STARD8: variants seen among roughly 807,000 people sequenced by gnomAD.
STARD8 encodes the protein StAR related lipid transfer domain containing 8.
A neutral mutation model predicts 69.4 loss-of-function variants in STARD8; 25 were observed. That is an observed-to-expected ratio of 0.36 (90% confidence interval 0.26 to 0.50). STARD8 has a LOEUF of 0.50. STARD8 is among the 20% of genes least tolerant of loss of function. STARD8 has a pLI of 0.96. For missense variants in STARD8, 921 were observed against 932.5 expected (o/e 0.99, Z 0.16); for synonymous variants, 389 against 374.6 (o/e 1.04, Z -0.45).
chrX:68,693,197 C>T (rs190313840), intron 2 of STARD8, among the ~76,000 whole-genome samples: 1 of 112,739 alleles, frequency 8.9e-6, no homozygotes, highest in East Asian at 2.8e-4. Flanking sequence ...GCCTGAGCAA[C>T]GTAGGGATGG....
At chrX:68,684,032 G>T (rs2079815969) in intron 2 of STARD8, among the ~76,000 whole-genome samples, 2 of 112,697 alleles carry the variant, frequency 1.8e-5, no homozygotes, top group African/African-American at 6.5e-5. Flanking sequence ...ATTGTGGTAA[G>T]AATTAAATAA....
chrX:68,704,498 A>G (rs2079990415), intron 2 of STARD8, among the ~76,000 whole-genome samples: 1 of 110,986 alleles, frequency 9.0e-6, no homozygotes. Flanking sequence ...GAGGCTGGGA[A>G]CTTGGAGGGC....
Position 68,725,134 on chromosome X carries a change from A to G in STARD8, c.*712A>G, listed in dbSNP as rs912404467. The G allele has an allele frequency of 7.2e-5, 8 of 111,382 alleles. No homozygotes were observed. Among genetic ancestry groups the G allele is most frequent in the African/African-American group, 2.6e-4 (8 of 30,626 alleles). 9.2% of individuals were successfully genotyped at this position (111,382 alleles called of 1,213,427 possible). A position where few individuals can be genotyped will look rare whatever the true frequency, so the allele number is the denominator to read the frequency against. On this transcript the variant is annotated 3_prime_UTR_variant, in exon 15 of 15. Transcript: ENST00000374599. ...CAAGTCTCGAGATGCCAGTGAAACC[A>G]GTATTCCCTGACTTGGGTTTCACAC...
At position 68,717,752 on chromosome X, in the gene STARD8, G is replaced by T. The variant is rs759704508; in HGVS notation, c.838G>T (p.Ala280Ser). The T allele has an allele frequency of 1.7e-6, 2 of 1,210,807 alleles. No individual in the cohort carries two copies. The highest frequency in any genetic ancestry group is 2.2e-6 in the Non-Finnish European group (2 of 895,367). Residue 280 changes from alanine (A) to serine (S), a missense_variant, in exon 6 of 15, where the codon GCC becomes TCC. Physicochemically the swap from Ala to Ser is moderately conservative, Grantham distance 99. Coordinates refer to ENST00000374599, the MANE Select transcript of STARD8 (RefSeq NM_001142503.3). ...SGANTRKAWEAWPVASFRHPQ... is the reference protein window; with the variant it reads ...SGANTRKAWESWPVASFRHPQ... The stretch of plus-strand genomic sequence containing the variant: ...TGCCAATACTCGGAAGGCCTGGGAG[G>T]CCTGGCCTGTGGCCTCGTTCCGGCA...
chrX:68,718,491 C>A lies in STARD8; in HGVS notation c.1577C>A (p.Ala526Asp). 1.7e-6 allele frequency: 2 copies of A among 1,212,111 alleles called. No homozygotes were observed. Among genetic ancestry groups the A allele is most frequent in the Non-Finnish European group, 2.2e-6 (2 of 895,575 alleles). The change falls in exon 6 of 15, where the codon GCC (alanine) becomes GAC (aspartate). Residue 526 changes from alanine (A) to aspartate (D), a missense_variant. Coordinates refer to ENST00000374599, the MANE Select transcript of STARD8 (RefSeq NM_001142503.3). ...GGACACTCCATTTCTGACACTGTGG[C>A]CTCCTCCAGCGAACTTGACAGTAGT... is the stretch of plus-strand genomic sequence containing the variant. The part of the protein sequence containing the change: ...EEGHSISDTV[A>D]SSSELDSSGN...
intron 2 of STARD8, among the ~76,000 whole-genome samples, chrX:68,707,753 G>A (rs540776915): frequency 1.2e-4 from 13 of 111,277 alleles, no homozygotes; most frequent in African/African-American, 4.3e-4. Flanking sequence ...TTCCCGCCTG[G>A]TCCCCATGCC....
chrX:68,686,048 C>T lies in STARD8; in HGVS notation c.79+20516C>T, dbSNP rs754117943. Among the ~76,000 whole-genome samples, 211 of 111,925 alleles carry T rather than the reference C, an allele frequency of 1.9e-3. 2 individuals carry two copies. Among genetic ancestry groups the T allele is most frequent in the Non-Finnish European group, 9.0e-4 (48 of 53,103 alleles). ...GGCTGACCCCATAACTAGGAAGACACCCCCACTATCTTGCACCGAGGTATG... is the reference window on the plus strand; with the variant it reads ...GGCTGACCCCATAACTAGGAAGACATCCCCACTATCTTGCACCGAGGTATG... On this transcript the variant is annotated intron_variant, in intron 2 of 14. Coordinates refer to ENST00000374599, the MANE Select transcript of STARD8 (RefSeq NM_001142503.3).
At chrX:68,661,246 G>A (rs182929678) in intron 1 of STARD8, among the ~76,000 whole-genome samples, 2 of 111,800 alleles carry the variant, frequency 1.8e-5, no homozygotes, top group South Asian at 3.7e-4. Context: ...AGGATGGCCC[G>A]GTTCTGGACA....
intron 1 of STARD8, among the ~76,000 whole-genome samples, chrX:68,653,277 C>T (rs1602535976): frequency 7.7e-5 from 4 of 51,688 alleles, no homozygotes; most frequent in Non-Finnish European, 1.4e-4. Flanking sequence ...ACACACCACA[C>T]CACACACACA....
intron 2 of STARD8, among the ~76,000 whole-genome samples, chrX:68,683,762 T>C (rs1385978113): frequency 1.8e-5 from 2 of 112,518 alleles, no homozygotes; most frequent in Non-Finnish European, 3.8e-5. Context: ...TTCATCACAT[T>C]CTTCCCTCTC....
chrX:68,717,182 T>C, intron 5 of STARD8, 30 bp from the exon 6 acceptor site: 1 of 1,155,449 alleles, frequency 8.7e-7, no homozygotes, highest in East Asian at 3.1e-5. Flanking sequence ...CCTGGGCTTC[T>C]CTGACCTGAT....
chrX:68,708,637 A>G (rs746367804), intron 2 of STARD8, among the ~76,000 whole-genome samples: 3 of 111,421 alleles, frequency 2.7e-5, no homozygotes, highest in Non-Finnish European at 5.7e-5. Context: ...AGCCTGGGTC[A>G]TCTGGGCCCC....
rs1434284301 is a variant in STARD8 at position 68,665,520 on chromosome X, A to G, written c.67A>G (p.Lys23Glu). The part of the protein sequence containing the change: ...KVKCFPLLQV[K>E]KNAEAEAKRA... ...GCAGTGCTTCCCATTGCTGCAGGTG[A>G]AGAAGAACGCTGGTAAGTACACGAG... Residue 23 changes from lysine (K) to glutamate (E), a missense_variant, in exon 2 of 15, where the codon AAG becomes GAG. By Grantham distance (56) the Lys-to-Glu change is moderately conservative. Transcript: ENST00000374599. 1 of 1,208,706 alleles carries G rather than the reference A, an allele frequency of 8.3e-7. No individual in the cohort carries two copies. The highest frequency in any genetic ancestry group is 3.0e-5 in the East Asian group (1 of 33,801).
chrX:68,666,046 T>C (rs1388637573), intron 2 of STARD8, among the ~76,000 whole-genome samples: 1 of 112,014 alleles, frequency 8.9e-6, no homozygotes, highest in Non-Finnish European at 1.9e-5. Flanking sequence ...CTTTTCCTTT[T>C]GCTCTCTCAC....
intron 2 of STARD8, among the ~76,000 whole-genome samples, chrX:68,679,047 C>T (rs1306074333): frequency 8.9e-6 from 1 of 112,008 alleles, no homozygotes; most frequent in Admixed American, 9.4e-5. Context: ...GGCGACTATT[C>T]TTGCCATTGT....
At chrX:68,678,685 A>G (rs755250276) in intron 2 of STARD8, among the ~76,000 whole-genome samples, 20 of 112,294 alleles carry the variant, frequency 1.8e-4, no homozygotes, top group Non-Finnish European at 3.2e-4. Context: ...TGGCTGCCAG[A>G]GCAGGCTCTA....
At chrX:68,672,718 ACC>A (rs35990262) in intron 2 of STARD8, among the ~76,000 whole-genome samples, 1 of 104,703 alleles carries the variant, frequency 9.6e-6, no homozygotes, top group Non-Finnish European at 1.9e-5. Context: ...ACAGCGCCCC[ACC>A]CCCCATGGCA....
At chrX:68,684,475 C>T (rs2079818943) in intron 2 of STARD8, among the ~76,000 whole-genome samples, 1 of 113,001 alleles carries the variant, frequency 8.8e-6, no homozygotes, top group South Asian at 3.6e-4. Flanking sequence ...GGGGCTATGT[C>T]CCACACTCCC....
chrX:68,650,008 C>T (rs1353797531), intron 1 of STARD8, among the ~76,000 whole-genome samples: 1 of 111,267 alleles, frequency 9.0e-6, no homozygotes, highest in Non-Finnish European at 1.9e-5. Context: ...AGAGGCACCT[C>T]TGTCCCCTAC....
Sources: allele counts gnomAD v4.1 joint callset (sites outside exome capture counted in the v4.1 genomes callset), GRCh38; gene constraint gnomAD v4.1.1; transcripts MANE v1.5; gene names NCBI Gene and HGNC (gene_info 2026-07-23, HGNC 2026-07-21).